The following APCDD1L variants were observed in gnomAD, a reference collection of about 807,000 sequenced individuals.
APCDD1L encodes APC down-regulated 1 like.
APCDD1L carries 21 observed loss-of-function variants against 24.2 expected under a neutral mutation model. That is an observed-to-expected ratio of 0.87 (90% confidence interval 0.61 to 1.25). The LOEUF is 1.25. Among genes scored for constraint, APCDD1L ranks in the 50% most tolerant of loss-of-function variants. APCDD1L has a pLI of 0.00. For synonymous variants in APCDD1L, 321 were observed against 323.6 expected, an observed-to-expected ratio of 0.99 and a Z score of 0.09; for missense variants, 704 against 711.7, an observed-to-expected ratio of 0.99 and a Z score of 0.12.
Position 58,479,054 on chromosome 20 carries a change from C to A in APCDD1L, c.50-8307G>T, listed in dbSNP as rs138301143. On this transcript the variant is annotated intron_variant, in intron 1 of 3. Coordinates refer to ENST00000371149, the MANE Select transcript of APCDD1L (RefSeq NM_153360.3). ...AAACCAGGATCCTGACATGGTCCTGCACCCCCAAGGAAGCCTCCACTAGCT... is the reference window on the plus strand; with the variant it reads ...AAACCAGGATCCTGACATGGTCCTGAACCCCCAAGGAAGCCTCCACTAGCT... Among the ~76,000 whole-genome samples the A allele has an allele frequency of 4.7e-3, 721 of 152,238 alleles. 4 individuals are homozygous for A. Among genetic ancestry groups the A allele is most frequent in the African/African-American group, 0.016 (670 of 41,532 alleles).
intron 1 of APCDD1L, among the ~76,000 whole-genome samples, chr20:58,488,119 C>T (rs937844899): frequency 8.5e-5 from 13 of 152,146 alleles, no homozygotes; most frequent in Admixed American, 7.9e-4. Context: ...ATAAACAACT[C>T]ATACATTTTA....
In APCDD1L at chr20:58,460,940, CA is replaced by C; in HGVS notation, c.1355del (p.Leu452ArgfsTer32). On this transcript the variant is annotated frameshift_variant, in exon 4 of 4. Transcript: ENST00000371149. LOFTEE classifies it low-confidence loss of function (END_TRUNC). The surrounding 1 kb of genome is among the most constrained non-coding windows in gnomAD (Gnocchi z 4.2). ...CGGGGGCCTCCCCATGACAGAGCAC[CA>C]GGGGTGCTTGGTAGGAGGTGGGACG... is the stretch of plus-strand genomic sequence containing the variant. Reference protein sequence around the residue: ...EKRPTSYQAPLVLCHGEAPDF... With the variant: ...EKRPTSYQAPXVLCHGEAPDF... The C allele has an allele frequency of 1.2e-6, 2 of 1,613,990 alleles. No individual in the cohort carries two copies. Among genetic ancestry groups the C allele is most frequent in the Non-Finnish European group, 1.7e-6 (2 of 1,179,946 alleles).
intron 1 of APCDD1L, among the ~76,000 whole-genome samples, chr20:58,498,310 A>G (rs1358696812): frequency 6.6e-6 from 1 of 152,194 alleles, no homozygotes; most frequent in Non-Finnish European, 1.5e-5. Context: ...ATTCTAATCC[A>G]AGCCGTGGGG....
chr20:58,502,171 C>G (rs551614117), intron 1 of APCDD1L, among the ~76,000 whole-genome samples: 1 of 152,098 alleles, frequency 6.6e-6, no homozygotes, highest in African/African-American at 2.4e-5. Context: ...GGTGCGATCT[C>G]GGCTCACTGG....
intron 1 of APCDD1L, among the ~76,000 whole-genome samples, chr20:58,514,427 G>A (rs1337517285): frequency 1.3e-5 from 2 of 152,212 alleles, no homozygotes; most frequent in African/African-American, 4.8e-5. Context: ...AGAGTGCAGC[G>A]GCTCTCATAT....
chr20:58,479,559 C>T (rs1989983146), intron 1 of APCDD1L, among the ~76,000 whole-genome samples: 2 of 143,284 alleles, frequency 1.4e-5, no homozygotes, highest in African/African-American at 5.2e-5. Context: ...ATCTGTTGCT[C>T]TGTTTTATAT....
At chr20:58,466,362 C>A (rs1302695736) in intron 3 of APCDD1L, among the ~76,000 whole-genome samples, 1 of 152,206 alleles carries the variant, frequency 6.6e-6, no homozygotes, top group Non-Finnish European at 1.5e-5. Context: ...CTGAAGGATC[C>A]CTTTCGGCCC....
rs771169748 is a variant in APCDD1L, at chr20:58,460,977, G to A, written c.1319C>T (p.Thr440Ile). 5.1e-5 allele frequency: 83 copies of A among 1,614,030 alleles called. No individual in the cohort carries two copies. The highest frequency in any genetic ancestry group is 6.8e-5 in the Non-Finnish European group (80 of 1,180,012). ...QRPTDGSSPD[T>I]PEKRPTSYQA... ...GTAGGAGGTGGGACGTTTCTCTGGG[G>A]TATCGGGACTTGAGCCATCGGTGGG... Residue 440 changes from threonine (T) to isoleucine (I), a missense_variant, in exon 4 of 4, where the codon ACC becomes ATC. Coordinates refer to ENST00000371149, the MANE Select transcript of APCDD1L (RefSeq NM_153360.3). This position sits in a 1 kb window ranked among gnomAD's most constrained non-coding sequence, Gnocchi z 4.2.
At chr20:58,503,391 A>G (rs11907697) in intron 1 of APCDD1L, among the ~76,000 whole-genome samples, 2,927 of 152,310 alleles carry the variant, frequency 0.019, 93 homozygotes, top group African/African-American at 0.065. Context: ...TGGGCCAAAC[A>G]GTAGACTTCA....
chr20:58,463,947 A>T (rs563593641), intron 3 of APCDD1L, among the ~76,000 whole-genome samples: 2 of 148,852 alleles, frequency 1.3e-5, no homozygotes, highest in African/African-American at 5.0e-5. Context: ...TTCTATAATG[A>T]ACCTTAAGTT....
chr20:58,501,382 C>T (rs1260049174), intron 1 of APCDD1L, among the ~76,000 whole-genome samples: 4 of 152,100 alleles, frequency 2.6e-5, no homozygotes, highest in African/African-American at 4.8e-5. Flanking sequence ...ACTGGTGTCC[C>T]TGTAAGAAGA....
At chr20:58,499,079 G>A (rs1990380107) in intron 1 of APCDD1L, among the ~76,000 whole-genome samples, 1 of 152,232 alleles carries the variant, frequency 6.6e-6, no homozygotes, top group Non-Finnish European at 1.5e-5. Context: ...TCTTCTGCGG[G>A]AGGGACAGTT....
At chr20:58,510,369 G>C (rs766356867) in intron 1 of APCDD1L, among the ~76,000 whole-genome samples, 4 of 152,078 alleles carry the variant, frequency 2.6e-5, no homozygotes, top group Non-Finnish European at 5.9e-5. Flanking sequence ...GTCTCGCCCT[G>C]TTGCCCAGGC....
intron 1 of APCDD1L, among the ~76,000 whole-genome samples, chr20:58,504,255 C>T (rs1050771937): frequency 5.9e-5 from 9 of 152,172 alleles, no homozygotes; most frequent in Admixed American, 5.9e-4. Context: ...AGGATCCAAT[C>T]TTCCCTGGCT....
rs536730659 is a variant in APCDD1L at position 58,473,014 on chromosome 20, C to A, written c.50-2267G>T. On this transcript the variant is annotated intron_variant, in intron 1 of 3. Coordinates refer to ENST00000371149, the MANE Select transcript of APCDD1L (RefSeq NM_153360.3). ...CAATTCTGCAGGTTAATTTGAACAT[C>A]TTCAGTGTCAACGAAACCTGTCCAA... Among the ~76,000 whole-genome samples the A allele has an allele frequency of 1.1e-4, 17 of 152,278 alleles. 1 individual carries two copies. The South Asian group carries it at 2.9e-3, about 26-fold the overall frequency.
chr20:58,461,243 C>T lies in APCDD1L; in HGVS notation c.1053G>A (p.Leu351=), dbSNP rs1989596347. The T allele has an allele frequency of 6.2e-7, 1 of 1,613,516 alleles. No individual in the cohort carries two copies. The highest frequency in any genetic ancestry group is 1.7e-4 in the Middle Eastern group (1 of 6,060). ...PSTRVRGGTE[L]VFEVTRAHVT... ...CATGGGCCCGTGTGACCTCAAACAC[C>T]AGCTCGGTGCCGCCGCGGACCCTGG... The change falls in exon 4 of 4, where the codon CTG becomes CTA. Residue 351 remains leucine (L), a synonymous_variant. Transcript: ENST00000371149. This position sits in a 1 kb window ranked among gnomAD's most constrained non-coding sequence, Gnocchi z 6.0.
chr20:58,493,713 T>C (rs1253566195), intron 1 of APCDD1L, among the ~76,000 whole-genome samples: 1 of 151,960 alleles, frequency 6.6e-6, no homozygotes, highest in Non-Finnish European at 1.5e-5. Context: ...AAGGAAAAGA[T>C]AAACACAAAA....
Position 58,461,676 on chromosome 20 carries a change from C to A in APCDD1L, c.742-122G>T. The A allele has an allele frequency of 1.0e-6, 1 of 971,178 alleles. No individual in the cohort carries two copies. Among genetic ancestry groups the A allele is most frequent in the Non-Finnish European group, 1.4e-6 (1 of 734,362 alleles). The allele number at this position is 971,178 out of a possible 1,614,324, so 60.2% of individuals were successfully genotyped here. ...AGGGTGAGGTGCGGCCTGTCCCTCCCTCCTCTCTCTCCTCACTCCCTGCCT... is the reference window on the plus strand; with the variant it reads ...AGGGTGAGGTGCGGCCTGTCCCTCCATCCTCTCTCTCCTCACTCCCTGCCT... On this transcript the variant is annotated intron_variant, in intron 3 of 3. Transcript: ENST00000371149. This position sits in a 1 kb window ranked among gnomAD's most constrained non-coding sequence, Gnocchi z 6.0.
At chr20:58,469,545 C>G (rs1423508097) in intron 2 of APCDD1L, among the ~76,000 whole-genome samples, 1 of 152,202 alleles carries the variant, frequency 6.6e-6, no homozygotes, top group Non-Finnish European at 1.5e-5. Flanking sequence ...ATGTTACTGT[C>G]TTGGGGCAGA....
Sources: allele counts gnomAD v4.1 joint callset (sites outside exome capture counted in the v4.1 genomes callset), GRCh38; gene constraint gnomAD v4.1.1; non-coding constraint Gnocchi (gnomAD v3.1); transcripts MANE v1.5; gene names NCBI Gene and HGNC (gene_info 2026-07-23, HGNC 2026-07-21).